LIN28A: variants seen among roughly 807,000 people sequenced by gnomAD.
LIN28A encodes protein lin-28 homolog A.
In LIN28A, 11 loss-of-function variants were observed where a neutral mutation model predicts 21.1. That is an observed-to-expected ratio of 0.52 (90% CI 0.33 to 0.86). The LOEUF (loss-of-function observed/expected upper bound fraction) is 0.86. Ranked by LOEUF, LIN28A falls within the 40% of genes least tolerant of loss-of-function variation. LIN28A has a pLI of 0.03. For synonymous variants in LIN28A, 111 were observed against 108.7 expected, an observed-to-expected ratio of 1.02 and a Z score of -0.13; for missense variants, 219 against 279.8, an observed-to-expected ratio of 0.78 and a Z score of 1.55.
intron 2 of LIN28A, among the ~76,000 whole-genome samples, chr1:26,412,339 G>A (rs1209826270): frequency 6.6e-6 from 1 of 152,160 alleles, no homozygotes; most frequent in Non-Finnish European, 1.5e-5. Context: ...GTGAAGGGAG[G>A]CTGGCCTCTG....
At chr1:26,420,592 A>G (rs1275713913) in intron 2 of LIN28A, among the ~76,000 whole-genome samples, 1 of 111,716 alleles carries the variant, frequency 9.0e-6, no homozygotes, top group African/African-American at 3.8e-5. Flanking sequence ...CGACAGAGCA[A>G]GACTTTCTCA....
In LIN28A at chr1:26,411,639, C is replaced by G. The variant is rs1024640523; in HGVS notation, c.228+57C>G. The G allele has an allele frequency of 7.1e-6, 11 of 1,544,682 alleles. 1 individual carries two copies. In the South Asian group the frequency reaches 9.3e-5, roughly 13 times the overall value. ...AAGGGCGTCTAGGCGCCCATATCCA[C>G]GGGTGGGCTCCGGGCTCGCAGTTGA... is the stretch of plus-strand genomic sequence containing the variant. On this transcript the variant is annotated intron_variant, in intron 2 of 3. Transcript: ENST00000326279. This position sits in a 1 kb window ranked among gnomAD's most constrained non-coding sequence, Gnocchi z 5.4.
rs2075000440 is a variant in LIN28A, at chr1:26,417,422, G to GACA, written c.228+5841_228+5842insCAA. ...CTTACCAAATCTTACCTCCAGGAAT[G>GACA]AAGCTAAGTTAGGGATGTGACACCA... On this transcript the variant is annotated intron_variant, in intron 2 of 3. Coordinates refer to ENST00000326279, the MANE Select transcript of LIN28A (RefSeq NM_024674.6). Among the ~76,000 whole-genome samples the GACA allele has an allele frequency of 8.5e-5, 13 of 152,314 alleles. No homozygotes were observed. The South Asian group carries it at 2.5e-3, about 29-fold the overall frequency.
intron 2 of LIN28A, among the ~76,000 whole-genome samples, chr1:26,424,555 G>A (rs1188351314): frequency 6.6e-6 from 1 of 152,204 alleles, no homozygotes; most frequent in Non-Finnish European, 1.5e-5. Context: ...ACCATGCCCA[G>A]CTATTTTTAC....
chr1:26,412,675 G>A (rs966503990), intron 2 of LIN28A, among the ~76,000 whole-genome samples: 1 of 152,106 alleles, frequency 6.6e-6, no homozygotes, highest in Non-Finnish European at 1.5e-5. Flanking sequence ...GGCTTTAGGA[G>A]GTGTGGGGGA....
chr1:26,427,229 C>T lies in LIN28A; in HGVS notation c.*771C>T, dbSNP rs1557427624. The T allele has an allele frequency of 6.6e-6, 1 of 152,658 alleles. No individual in the cohort carries two copies. Among genetic ancestry groups the T allele is most frequent in the Non-Finnish European group, 1.5e-5 (1 of 68,064 alleles). 9.5% of individuals were successfully genotyped at this position (152,658 alleles called of 1,614,324 possible). ...TATTTTAATCTAAGGCCCTCATTTC[C>T]TGCACTGTGTTCTCAGGTACATGAG... On this transcript the variant is annotated 3_prime_UTR_variant, in exon 4 of 4. Transcript: ENST00000326279.
chr1:26,424,714 G>A (rs1027720079), intron 2 of LIN28A, among the ~76,000 whole-genome samples: 1 of 152,034 alleles, frequency 6.6e-6, no homozygotes, highest in Non-Finnish European at 1.5e-5. Context: ...CCAAATGCTT[G>A]TATTTACAAA....
chr1:26,426,242 G>A lies in LIN28A; in HGVS notation c.414G>A (p.Arg138=), dbSNP rs751181707. ...CTTTTACGATCTTGCTTTGTACTAGGTGCTACAACTGTGGAGGTCTAGATC... is the reference window on the plus strand; with the variant it reads ...CTTTTACGATCTTGCTTTGTACTAGATGCTACAACTGTGGAGGTCTAGATC... The part of the protein sequence containing the change: ...SMQKRRSKGD[R]CYNCGGLDHH... Residue 138 remains arginine (R), a splice_region_variant and synonymous_variant, in exon 4 of 4, where the codon AGG becomes AGA. Coordinates refer to ENST00000326279, the MANE Select transcript of LIN28A (RefSeq NM_024674.6). The A allele has an allele frequency of 1.9e-6, 3 of 1,613,546 alleles. No homozygotes were observed. Among genetic ancestry groups the A allele is most frequent in the Non-Finnish European group, 2.5e-6 (3 of 1,179,620 alleles).
chr1:26,412,515 C>T (rs1028718404), intron 2 of LIN28A, among the ~76,000 whole-genome samples: 6 of 152,188 alleles, frequency 3.9e-5, no homozygotes, highest in African/African-American at 1.4e-4. Flanking sequence ...ACCAGCTACC[C>T]ATAAAGACCA....
chr1:26,421,603 T>C (rs2075029061), intron 2 of LIN28A, among the ~76,000 whole-genome samples: 2 of 152,232 alleles, frequency 1.3e-5, no homozygotes, highest in Admixed American at 1.3e-4. Context: ...ATTTTGCATA[T>C]GTATCATACA....
chr1:26,411,450 G>C lies in LIN28A; in HGVS notation c.96G>C (p.Ala32=). 1 of 1,611,192 alleles carries C rather than the reference G, an allele frequency of 6.2e-7. No homozygotes were observed. Among genetic ancestry groups the C allele is most frequent in the Non-Finnish European group, 8.5e-7 (1 of 1,178,716 alleles). ...EEAPEDAARA[A]DEPQLLHGAG... Reference sequence around the variant, plus strand: ...CGCCGGAGGACGCGGCCCGGGCGGCGGACGAGCCTCAGCTGCTGCACGGTG... The same window carrying C: ...CGCCGGAGGACGCGGCCCGGGCGGCCGACGAGCCTCAGCTGCTGCACGGTG... Residue 32 remains alanine, a synonymous_variant, in exon 2 of 4, where the codon GCG becomes GCC. Coordinates refer to ENST00000326279, the MANE Select transcript of LIN28A (RefSeq NM_024674.6). The surrounding 1 kb of genome is among the most constrained non-coding windows in gnomAD (Gnocchi z 5.4).
intron 2 of LIN28A, among the ~76,000 whole-genome samples, chr1:26,423,262 A>T (rs1400327639): frequency 6.6e-6 from 1 of 151,798 alleles, no homozygotes; most frequent in African/African-American, 2.4e-5. Flanking sequence ...GCTGGTGTTG[A>T]ACTCCTGGAT....
chr1:26,419,932 G>A lies in LIN28A; in HGVS notation c.229-5371G>A, dbSNP rs551819539. On this transcript the variant is annotated intron_variant, in intron 2 of 3. Transcript: ENST00000326279. ...CTAATTGCATCTCTTGTCCCACCCC[G>A]CTCAATAAAAAATAAGTCAAATCTA... is the stretch of plus-strand genomic sequence containing the variant. Among the ~76,000 whole-genome samples the A allele has an allele frequency of 9.2e-5, 14 of 152,058 alleles. No homozygotes were observed. The East Asian group carries it at 2.1e-3, about 23-fold the overall frequency.
intron 2 of LIN28A, among the ~76,000 whole-genome samples, chr1:26,423,119 T>C (rs1570316259): frequency 1.3e-5 from 2 of 152,208 alleles, no homozygotes; most frequent in East Asian, 3.9e-4. Context: ...AGTGGTGCCA[T>C]CTCTGCAACC....
At chr1:26,423,413 C>CTTTTTTTTTTTTTTTTTTTTTT (rs1202952934) in intron 2 of LIN28A, among the ~76,000 whole-genome samples, 4 of 78,822 alleles carry the variant, frequency 5.1e-5, no homozygotes, top group African/African-American at 9.8e-5. Flanking sequence ...TTTTCTTTTT[C>CTTTTTTTTTTTTTTTTTTTTTT]TTTTTTTTTT....
At chr1:26,413,113 G>A (rs1433290799) in intron 2 of LIN28A, among the ~76,000 whole-genome samples, 1 of 152,060 alleles carries the variant, frequency 6.6e-6, no homozygotes, top group African/African-American at 2.4e-5. Flanking sequence ...TTTATTACAG[G>A]AACCAGCTTT....
At chr1:26,418,109 C>G (rs1307519570) in intron 2 of LIN28A, among the ~76,000 whole-genome samples, 1 of 151,770 alleles carries the variant, frequency 6.6e-6, no homozygotes, top group African/African-American at 2.4e-5. Context: ...TCTAAGCTTG[C>G]AAAGGCATAA....
intron 2 of LIN28A, among the ~76,000 whole-genome samples, chr1:26,413,689 C>T (rs1422917673): frequency 6.6e-6 from 1 of 152,158 alleles, no homozygotes; most frequent in Non-Finnish European, 1.5e-5. Flanking sequence ...TGAGCCTTTA[C>T]CTGGTAGCTC....
chr1:26,413,816 T>G (rs867121096), intron 2 of LIN28A, among the ~76,000 whole-genome samples: 136 of 143,852 alleles, frequency 9.5e-4, no homozygotes, highest in African/African-American at 2.7e-3. Flanking sequence ...TTTGTTTGTT[T>G]GTTTGTTGCT....
Sources: gnomAD v4.1 joint callset for allele counts (sites outside exome capture counted in the v4.1 genomes callset) on GRCh38, gnomAD v4.1.1 for gene constraint, Gnocchi (gnomAD v3.1) non-coding constraint, MANE v1.5 for transcripts, NCBI Gene and HGNC (gene_info 2026-07-23, HGNC 2026-07-21) for gene names.